The following COL1A1 variants were observed in gnomAD, a reference collection of about 807,000 sequenced individuals.
The protein encoded by COL1A1 is collagen type I alpha 1 chain.
In COL1A1, 21 loss-of-function variants were observed where a neutral mutation model predicts 195.7. The ratio of observed to expected loss-of-function variants is 0.11; its 90% CI spans 0.08 to 0.15. COL1A1 has a LOEUF of 0.15. Ranked by LOEUF, COL1A1 falls within the 10% of genes least tolerant of loss-of-function variation. COL1A1 has a pLI of 1.00. For synonymous variants in COL1A1, 749 were observed against 747.3 expected, an observed-to-expected ratio of 1.00 and a Z score of -0.04; for missense variants, 1,365 against 2,051.0, an observed-to-expected ratio of 0.67 and a Z score of 6.46.
rs772644181 is a variant in COL1A1 at position 50,185,453 on chromosome 17, G to C, written c.*49C>G. Reference sequence around the variant, plus strand: ...GGGTTGCTTGTCTGTTTCCGGGTTGGGGGGAAAGTTGGTTGGGTGGGAGGG... The same window carrying C: ...GGGTTGCTTGTCTGTTTCCGGGTTGCGGGGAAAGTTGGTTGGGTGGGAGGG... On this transcript the variant is annotated 3_prime_UTR_variant, in exon 51 of 51. Coordinates refer to ENST00000225964, the MANE Select transcript of COL1A1 (RefSeq NM_000088.4). 12 of 1,611,270 alleles carry C rather than the reference G, an allele frequency of 7.4e-6. No homozygotes were observed. The highest frequency in any genetic ancestry group is 1.7e-4 in the Middle Eastern group (1 of 6,002).
intron 6 of COL1A1, 102 bp from the exon 7 acceptor site, chr17:50,198,307 C>T (rs1297445137): frequency 3.9e-6 from 6 of 1,552,502 alleles, no homozygotes; most frequent in African/African-American, 1.4e-5. Context: ...GTCCTGCATC[C>T]TTTCTGGACT....
rs537589365 is a variant in COL1A1 at position 50,184,374 on chromosome 17, G to A, written c.*1128C>T. The stretch of plus-strand genomic sequence containing the variant: ...GAGGCCTGAGAAGCCAGAGGCAGGT[G>A]GAGAGAGGGTGGAAAGTGAGCAGCG... On this transcript the variant is annotated 3_prime_UTR_variant, in exon 51 of 51. Coordinates refer to ENST00000225964, the MANE Select transcript of COL1A1 (RefSeq NM_000088.4). 1.7e-5 allele frequency: 4 copies of A among 231,296 alleles called. No individual in the cohort carries two copies. In the East Asian group the frequency reaches 2.4e-4, roughly 14 times the overall value. 14.3% of individuals were successfully genotyped at this position (231,296 alleles called of 1,614,324 possible).
intron 31 of COL1A1, 51 bp downstream of exon 31, chr17:50,191,737 G>C: frequency 6.5e-7 from 1 of 1,536,704 alleles, no homozygotes; most frequent in Non-Finnish European, 8.8e-7. Flanking sequence ...CAGGAGGGGT[G>C]AGACCTGGTC....
intron 29 of COL1A1, 186 bp downstream of exon 29, chr17:50,192,289 G>A (rs1469381012): frequency 1.3e-6 from 1 of 762,484 alleles, no homozygotes; most frequent in Non-Finnish European, 2.2e-6. Context: ...CTTAAAAGAA[G>A]TCACCCAGAC....
In COL1A1 at chr17:50,190,880, A is replaced by G; in HGVS notation, c.2280T>C (p.Asp760=). Residue 760 remains aspartate (D), a synonymous_variant, in exon 33 of 51, where the codon GAT becomes GAC. Transcript: ENST00000225964. The surrounding 1 kb of genome is among the most constrained non-coding windows in gnomAD (Gnocchi z 4.7). ...TGGGGCCAGTCAGACCACGGACGCC[A>G]TCTTTGCCAGGAGAGCCATCAGCAC... The part of the protein sequence containing the change: ...PKGADGSPGK[D]GVRGLTGPIG... 1 of 1,613,914 alleles carries G rather than the reference A, an allele frequency of 6.2e-7. No homozygotes were observed. The highest frequency in any genetic ancestry group is 8.5e-7 in the Non-Finnish European group (1 of 1,179,870).
Position 50,186,975 on chromosome 17 carries a change from G to A in COL1A1, c.3531+40C>T. 6.2e-7 allele frequency: 1 copy of A among 1,610,444 alleles called. No homozygotes were observed. The highest frequency in any genetic ancestry group is 1.7e-5 in the Admixed American group (1 of 59,558). ...TTACCGGCATCCAAGTGCTTTGGGGGCTGGAGGGCCATGAGCAGAGGGGAT... is the reference window on the plus strand; with the variant it reads ...TTACCGGCATCCAAGTGCTTTGGGGACTGGAGGGCCATGAGCAGAGGGGAT... On this transcript the variant is annotated intron_variant, in intron 47 of 50. Transcript: ENST00000225964. This position sits in a 1 kb window ranked among gnomAD's most constrained non-coding sequence, Gnocchi z 5.3.
chr17:50,191,515 A>G (rs2144558979), intron 31 of COL1A1, 25 bp from the exon 32 acceptor site: 1 of 1,610,292 alleles, frequency 6.2e-7, no homozygotes, highest in East Asian at 2.2e-5. Context: ...AGAAGACTGG[A>G]GTGAGGCCTG....
In COL1A1 at chr17:50,195,870, A is replaced by G. The variant is rs1339247686; in HGVS notation, c.1056+53T>C. The G allele has an allele frequency of 2.6e-6, 4 of 1,549,834 alleles. No homozygotes were observed. Among genetic ancestry groups the G allele is most frequent in the Non-Finnish European group, 3.5e-6 (4 of 1,144,084 alleles). The stretch of plus-strand genomic sequence containing the variant: ...CCTTTGGTTTGGGGAACAGGGAGAC[A>G]TGAACCCCTTGGCCCATGAGGGTCA... On this transcript the variant is annotated intron_variant, in intron 16 of 50. Coordinates refer to ENST00000225964, the MANE Select transcript of COL1A1 (RefSeq NM_000088.4). The surrounding 1 kb of genome is among the most constrained non-coding windows in gnomAD (Gnocchi z 4.3).
chr17:50,195,183 C>T lies in COL1A1; in HGVS notation c.1299+49G>A, dbSNP rs1907468242. ...CTTCCTGCTCCCCAGATGAGAGCCG[C>T]ACTGGAGCCAGTGCATGGGGTGGGC... is the stretch of plus-strand genomic sequence containing the variant. On this transcript the variant is annotated intron_variant, in intron 19 of 50. Coordinates refer to ENST00000225964, the MANE Select transcript of COL1A1 (RefSeq NM_000088.4). This position sits in a 1 kb window ranked among gnomAD's most constrained non-coding sequence, Gnocchi z 4.3. 1 of 1,606,952 alleles carries T rather than the reference C, an allele frequency of 6.2e-7. No individual in the cohort carries two copies. The highest frequency in any genetic ancestry group is 8.5e-7 in the Non-Finnish European group (1 of 1,173,906).
chr17:50,197,573 T>C (rs879720100), intron 9 of COL1A1, among the ~76,000 whole-genome samples, 159 bp downstream of exon 9: 2 of 152,208 alleles, frequency 1.3e-5, no homozygotes, highest in Non-Finnish European at 2.9e-5. Flanking sequence ...ATCATCTCAC[T>C]AAGCGAAAAG....
In COL1A1 at chr17:50,199,129, G is replaced by C; in HGVS notation, c.471+97C>G. 4 of 1,369,554 alleles carry C rather than the reference G, an allele frequency of 2.9e-6. No homozygotes were observed. The South Asian group carries it at 7.1e-5, about 24-fold the overall frequency. 84.8% of individuals were successfully genotyped at this position (1,369,554 alleles called of 1,614,324 possible). ...CCTGTAGGATTCTTGCAACTTTTCT[G>C]TAAGTTTGAAATTATTTCAAAGTAT... On this transcript the variant is annotated intron_variant, in intron 5 of 50. Coordinates refer to ENST00000225964, the MANE Select transcript of COL1A1 (RefSeq NM_000088.4).
chr17:50,200,622 A>T (rs1908000553), intron 1 of COL1A1, among the ~76,000 whole-genome samples: 1 of 152,108 alleles, frequency 6.6e-6, no homozygotes, highest in Admixed American at 6.5e-5. Context: ...AATAGTCCAG[A>T]AGTTAGCTAA....
In COL1A1 at chr17:50,197,058, A is replaced by G. The variant is rs1907659005; in HGVS notation, c.756T>C (p.Ala252=). The part of the protein sequence containing the change: ...GERGPPGPQG[A]RGLPGTAGLP... ...GGCCAGCTGTTCCGGGCAATCCTCG[A>G]GCACCCTGGAGAGAGATGAAGAAGA... is the stretch of plus-strand genomic sequence containing the variant. The change falls in exon 11 of 51, where the codon GCT becomes GCC. Residue 252 remains alanine, a synonymous_variant. Coordinates refer to ENST00000225964, the MANE Select transcript of COL1A1 (RefSeq NM_000088.4). 6.2e-7 allele frequency: 1 copy of G among 1,614,154 alleles called. No individual in the cohort carries two copies. The highest frequency in any genetic ancestry group is 8.5e-7 in the Non-Finnish European group (1 of 1,180,028).
In COL1A1 at chr17:50,199,345, G is replaced by A. The variant is rs763184003; in HGVS notation, c.370-18C>T. On this transcript the variant is annotated intron_variant, in intron 4 of 50. Transcript: ENST00000225964. ...GCGGGTCCCTGCAGGGGGAGAGGGC[G>A]GGGCCGGGGTGAGCGTGGGGCCGAG... 6 of 1,586,106 alleles carry A rather than the reference G, an allele frequency of 3.8e-6. No homozygotes were observed. Among genetic ancestry groups the A allele is most frequent in the East Asian group, 2.3e-5 (1 of 43,390 alleles).
chr17:50,200,843 A>G (rs1185136504), intron 1 of COL1A1, among the ~76,000 whole-genome samples: 1 of 152,094 alleles, frequency 6.6e-6, no homozygotes, highest in African/African-American at 2.4e-5. Flanking sequence ...CTGCCCCAGT[A>G]AGCGTTGGAC....
rs532554893 is a variant in COL1A1, at chr17:50,197,039, C to T, written c.775G>A (p.Ala259Thr). ...PQGARGLPGT[A>T]GLPGMKGHRG... ...TGTCCCTTCATTCCAGGGAGGCCAG[C>T]TGTTCCGGGCAATCCTCGAGCACCC... Residue 259 changes from alanine to threonine, a missense_variant, in exon 11 of 51, where the codon GCT (alanine) becomes ACT (threonine). By Grantham distance (58) the Ala-to-Thr change is moderately conservative. This residue lies in a region of COL1A1 where 226 missense variants were observed against 372.9 expected (regional missense o/e 0.61). Transcript: ENST00000225964. 6.2e-7 allele frequency: 1 copy of T among 1,614,094 alleles called. No individual in the cohort carries two copies. Among genetic ancestry groups the T allele is most frequent in the Non-Finnish European group, 8.5e-7 (1 of 1,179,980 alleles).
Position 50,189,930 on chromosome 17 carries a change from G to C in COL1A1, c.2560-18C>G, listed in dbSNP as rs2075559. 829,366 of 1,612,158 alleles carry C rather than the reference G, an allele frequency of 0.51. 214,685 individuals are homozygous for C. Among genetic ancestry groups the C allele is most frequent in the Admixed American group, 0.62 (37,230 of 59,768 alleles). ...ACATTACCCTGTAGGAGAGCACAGA[G>C]GCATCAAGCCTGGACCCGTCCTGGG... On this transcript the variant is annotated intron_variant, in intron 36 of 50. Transcript: ENST00000225964. The surrounding 1 kb of genome is among the most constrained non-coding windows in gnomAD (Gnocchi z 5.5).
intron 14 of COL1A1, 44 bp downstream of exon 14, chr17:50,196,270 C>A (rs774212977): frequency 1.2e-6 from 2 of 1,609,916 alleles, no homozygotes; most frequent in African/African-American, 1.3e-5. Context: ...CTGGGGAGCC[C>A]CTTCCAGAGC....
rs1050837911 is a variant in COL1A1, at chr17:50,190,799, G to A, written c.2343+18C>T. 12 of 1,594,990 alleles carry A rather than the reference G, an allele frequency of 7.5e-6. No individual in the cohort carries two copies. The highest frequency in any genetic ancestry group is 2.7e-5 in the African/African-American group (2 of 74,456). On this transcript the variant is annotated intron_variant, in intron 33 of 50. Coordinates refer to ENST00000225964, the MANE Select transcript of COL1A1 (RefSeq NM_000088.4). This position sits in a 1 kb window ranked among gnomAD's most constrained non-coding sequence, Gnocchi z 4.7. The stretch of plus-strand genomic sequence containing the variant: ...AGGCTATGTGTTAGGGCAGAAGGTG[G>A]GGAGGCGGCCACCTCACCTTGTCAC...
Sources: allele counts gnomAD v4.1 joint callset (sites outside exome capture counted in the v4.1 genomes callset), GRCh38; gene constraint gnomAD v4.1.1; regional missense constraint gnomAD v4.1.1; non-coding constraint Gnocchi (gnomAD v3.1); transcripts MANE v1.5; gene names NCBI Gene and HGNC (gene_info 2026-07-23, HGNC 2026-07-21).